ARMCX4: variants seen among roughly 807,000 people sequenced by gnomAD.
The protein encoded by ARMCX4 is armadillo repeat-containing X-linked protein 4.
Under a neutral mutation model 34.7 loss-of-function variants are expected in ARMCX4, and 3 were observed. That is an observed-to-expected ratio of 0.09 (90% CI 0.04 to 0.22). The LOEUF is 0.22. Ranked by LOEUF, ARMCX4 falls within the 10% of genes least tolerant of loss-of-function variation. The pLI, the probability that ARMCX4 is intolerant of heterozygous loss-of-function variation, is 1.00. For missense variants in ARMCX4, 1,448 were observed against 1,720.8 expected (o/e 0.84, Z 2.81); for synonymous variants, 513 against 632.8 (o/e 0.81, Z 2.84).
chrX:101,447,270 G>A (rs1931704876), downstream of ARMCX4, among the ~76,000 whole-genome samples: 1 of 112,523 alleles, frequency 8.9e-6, no homozygotes, highest in Admixed American at 9.4e-5. Context: ...AAGGAAATTA[G>A]CATACACTTT....
At chrX:101,439,596 C>T (rs1171681165) in intron 2 of ARMCX4, among the ~76,000 whole-genome samples, 7 of 112,038 alleles carry the variant, frequency 6.2e-5, no homozygotes, top group East Asian at 5.6e-4. Flanking sequence ...CCATTCTCCC[C>T]GTCACTTTCA....
At position 101,490,783 on chromosome X, in the gene ARMCX4, C is replaced by A; in HGVS notation, c.2194C>A (p.Pro732Thr). 8.7e-7 allele frequency: 1 copy of A among 1,145,983 alleles called. No individual in the cohort carries two copies. Among genetic ancestry groups the A allele is most frequent in the Non-Finnish European group, 1.2e-6 (1 of 869,495 alleles). 94.4% of individuals were successfully genotyped at this position (1,145,983 alleles called of 1,213,427 possible). Reference sequence around the variant, plus strand: ...TGCCAAGAATAAGATCAGAGGCAATCCCACTACTGTGCCTAATTCAGGGGT... The same window carrying A: ...TGCCAAGAATAAGATCAGAGGCAATACCACTACTGTGCCTAATTCAGGGGT... ...PGAKNKIRGN[P>T]TTVPNSGVGP... Residue 732 changes from proline to threonine, a missense_variant, in exon 6 of 6, where the codon CCC becomes ACC. This residue lies in a region of ARMCX4 where 1,343 missense variants were observed against 1,540.7 expected (regional missense o/e 0.87). Coordinates refer to ENST00000423738, the MANE Select transcript of ARMCX4 (RefSeq NM_001256155.3).
chrX:101,439,276 T>C (rs1228430141), intron 2 of ARMCX4, among the ~76,000 whole-genome samples: 2 of 111,741 alleles, frequency 1.8e-5, no homozygotes, highest in African/African-American at 6.5e-5. Flanking sequence ...AATTCTTTTC[T>C]TTAAGAATGT....
In ARMCX4 at chrX:101,491,919, G is replaced by A. The variant is rs1556009421; in HGVS notation, c.3330G>A (p.Arg1110=). The A allele has an allele frequency of 2.6e-6, 3 of 1,156,444 alleles. No homozygotes were observed. Among genetic ancestry groups the A allele is most frequent in the Admixed American group, 5.1e-5 (2 of 38,847 alleles). ...TTGAAGACTGGATTGCTGCTGAGCG[G>A]TGGATCAAATTTAGGTTTCAGACCA... ...IGVEDWIAAE[R]WIKFRFQTMD... is the part of the protein sequence containing the mutation. The change falls in exon 6 of 6, where the codon CGG becomes CGA. Residue 1110 remains arginine, a synonymous_variant. Coordinates refer to ENST00000423738, the MANE Select transcript of ARMCX4 (RefSeq NM_001256155.3).
At chrX:101,512,276 C>G (rs1453066017) in intron 11 of ARMCX4, among the ~76,000 whole-genome samples, 2 of 111,393 alleles carry the variant, frequency 1.8e-5, no homozygotes, top group African/African-American at 6.5e-5. Context: ...CAGGCTGAGG[C>G]AGGAGAATGG....
chrX:101,490,266 G>A lies in ARMCX4; in HGVS notation c.1677G>A (p.Glu559=), dbSNP rs1933919586. The change falls in exon 6 of 6, where the codon GAG becomes GAA. Residue 559 remains glutamate (E), a synonymous_variant. Transcript: ENST00000423738. ...AGGCTGGGGTCAAGACCCCAGCTGA[G>A]GCCTTGCTTGATTCCAGGGTTGATG... ...QPQAGVKTPA[E]ALLDSRVDGR... 2.6e-6 allele frequency: 3 copies of A among 1,154,973 alleles called. No homozygotes were observed. The highest frequency in any genetic ancestry group is 2.3e-4 in the Middle Eastern group (1 of 4,291).
chrX:101,445,742 C>A (rs1823072938), intron 3 of ARMCX4, among the ~76,000 whole-genome samples: 1 of 111,290 alleles, frequency 9.0e-6, no homozygotes, highest in African/African-American at 3.3e-5. Flanking sequence ...TTCCAGATTC[C>A]TTTCCCCTAC....
At chrX:101,474,412 C>G (rs1206961073) in intron 4 of ARMCX4, among the ~76,000 whole-genome samples, 1 of 109,844 alleles carries the variant, frequency 9.1e-6, no homozygotes, top group African/African-American at 3.3e-5. Flanking sequence ...CCTTCTGAAA[C>G]TATTTCAATC....
intron 2 of ARMCX4, among the ~76,000 whole-genome samples, chrX:101,423,301 A>T (rs1389668310): frequency 9.2e-6 from 1 of 109,010 alleles, no homozygotes; most frequent in African/African-American, 3.3e-5. Context: ...AGCTTTTAAA[A>T]CCCTTAGAAT....
At chrX:101,514,885 G>A (rs1252258355) in intron 11 of ARMCX4, among the ~76,000 whole-genome samples, 1 of 111,588 alleles carries the variant, frequency 9.0e-6, no homozygotes, top group African/African-American at 3.3e-5. Context: ...GAATTTAGGG[G>A]TTTAAATTCC....
At chrX:101,461,491 G>A (rs1361270364) in intron 4 of ARMCX4, among the ~76,000 whole-genome samples, 1 of 111,982 alleles carries the variant, frequency 8.9e-6, no homozygotes, top group Non-Finnish European at 1.9e-5. Context: ...TCTACCTTTT[G>A]GCTATTGTGA....
chrX:101,495,116 G>A lies in ARMCX4; in HGVS notation c.6527G>A (p.Ser2176Asn), dbSNP rs1227044455. Reference protein sequence around the residue: ...SEFLRLLTVGSGETKDHVLGM... With the variant: ...SEFLRLLTVGNGETKDHVLGM... ...TTTCTTCGTTTGTTAACGGTGGGAAGTGGAGAAACTAAAGACCATGTTTTG... is the reference window on the plus strand; with the variant it reads ...TTTCTTCGTTTGTTAACGGTGGGAAATGGAGAAACTAAAGACCATGTTTTG... The change falls in exon 6 of 6, where the codon AGT becomes AAT. Residue 2176 changes from serine (S) to asparagine (N), a missense_variant. By Grantham distance (46) the Ser-to-Asn change is conservative. Around this residue, in one of 2 missense-constraint regions of ARMCX4, gnomAD observed 105 missense variants for 180.2 expected, o/e 0.58. Coordinates refer to ENST00000423738, the MANE Select transcript of ARMCX4 (RefSeq NM_001256155.3). The A allele has an allele frequency of 9.5e-6, 11 of 1,155,331 alleles. No individual in the cohort carries two copies. Among genetic ancestry groups the A allele is most frequent in the Non-Finnish European group, 1.3e-5 (11 of 872,292 alleles).
At chrX:101,461,657 C>G (rs1421798338) in intron 4 of ARMCX4, among the ~76,000 whole-genome samples, 1 of 111,687 alleles carries the variant, frequency 9.0e-6, no homozygotes, top group Admixed American at 9.6e-5. Flanking sequence ...AGTGGCTGCA[C>G]CATTTTATAT....
Position 101,493,187 on chromosome X carries a change from G to A in ARMCX4, c.4598G>A (p.Gly1533Glu). The A allele has an allele frequency of 8.7e-7, 1 of 1,155,468 alleles. No individual in the cohort carries two copies. Among genetic ancestry groups the A allele is most frequent in the Admixed American group, 2.6e-5 (1 of 38,789 alleles). The change falls in exon 6 of 6, where the codon GGG becomes GAG. Residue 1533 changes from glycine to glutamate, a missense_variant. Physicochemically the swap from Gly to Glu is moderately conservative, Grantham distance 98 (BLOSUM62 -2). This residue lies in a region of ARMCX4 where 1,343 missense variants were observed against 1,540.7 expected (regional missense o/e 0.87). Coordinates refer to ENST00000423738, the MANE Select transcript of ARMCX4 (RefSeq NM_001256155.3). Reference sequence around the variant, plus strand: ...GGGGCTAGTGGCCAGGATGTTGGAGGGTCTAGGCCAGGGCCCACGAACCAG... The same window carrying A: ...GGGGCTAGTGGCCAGGATGTTGGAGAGTCTAGGCCAGGGCCCACGAACCAG... ...WGGASGQDVGGSRPGPTNQSS... is the reference protein window; with the variant it reads ...WGGASGQDVGESRPGPTNQSS...
intron 4 of ARMCX4, among the ~76,000 whole-genome samples, chrX:101,453,765 G>A (rs1932117905): frequency 9.1e-6 from 1 of 109,831 alleles, no homozygotes; most frequent in Admixed American, 9.9e-5. Flanking sequence ...ATAGCAGAGT[G>A]GAAATCTGCT....
chrX:101,479,985 A>G (rs1270701897), intron 4 of ARMCX4, among the ~76,000 whole-genome samples: 2 of 110,667 alleles, frequency 1.8e-5, no homozygotes, highest in Admixed American at 9.8e-5. Context: ...TTATAACTAT[A>G]TATATTATCA....
At chrX:101,421,991 GTTA>G (rs200537627) in intron 2 of ARMCX4, among the ~76,000 whole-genome samples, 3,000 of 96,336 alleles carry the variant, frequency 0.031, 95 homozygotes, top group African/African-American at 0.09. Flanking sequence ...TGGGGGATCA[GTTA>G]TTATTATTAT....
At chrX:101,471,052 T>C (rs1556002897) in intron 4 of ARMCX4, among the ~76,000 whole-genome samples, 1 of 112,307 alleles carries the variant, frequency 8.9e-6, no homozygotes, top group African/African-American at 3.2e-5. Flanking sequence ...TGTTTTCTAT[T>C]TGCATTTCTC....
intron 2 of ARMCX4, among the ~76,000 whole-genome samples, chrX:101,433,088 ATATGTGTATACATACG>A (rs1555992921): frequency 2.8e-4 from 31 of 109,709 alleles, no homozygotes; most frequent in East Asian, 1.2e-3. Context: ...ATGTATACAT[ATATGTGTATACATACG>A]CACGTATACA....
Sources: gnomAD v4.1 joint callset for allele counts (sites outside exome capture counted in the v4.1 genomes callset) on GRCh38, gnomAD v4.1.1 for gene constraint, gnomAD v4.1.1 regional missense constraint, MANE v1.5 for transcripts, NCBI Gene and HGNC (gene_info 2026-07-23, HGNC 2026-07-21) for gene names.